ROBO2: variants seen among roughly 807,000 people sequenced by gnomAD.
ROBO2 encodes roundabout guidance receptor 2.
ROBO2 carries 53 observed loss-of-function variants against 160.8 expected under a neutral mutation model. The ratio of observed to expected loss-of-function variants is 0.33; its 90% CI spans 0.26 to 0.41. The LOEUF is 0.41. Among genes scored for constraint, ROBO2 ranks in the 10% least tolerant of loss-of-function variants. The probability of loss-of-function intolerance (pLI) is 1.00; values close to 1 mark genes in which losing one functional copy is unlikely to be tolerated. For missense variants in ROBO2, 1,577 were observed against 1,722.4 expected (o/e 0.92, Z 1.49); for synonymous variants, 664 against 611.7 (o/e 1.09, Z -1.26).
chr3:76,157,507 G>A (rs1209694268), intron 2 of ROBO2, among the ~76,000 whole-genome samples: 1 of 152,120 alleles, frequency 6.6e-6, no homozygotes, highest in Non-Finnish European at 1.5e-5. Context: ...CAAATAACAT[G>A]TACTCTGTGC....
chr3:77,490,382 G>T (rs1331353468), intron 4 of ROBO2, among the ~76,000 whole-genome samples: 2 of 152,016 alleles, frequency 1.3e-5, no homozygotes, highest in African/African-American at 4.8e-5. Context: ...GAGCCACCAC[G>T]CCCGGCCTGT....
intron 2 of ROBO2, among the ~76,000 whole-genome samples, chr3:77,401,679 G>A (rs1405424205): frequency 6.6e-6 from 1 of 152,078 alleles, no homozygotes; most frequent in Non-Finnish European, 1.5e-5. Context: ...GAGCAGGAGA[G>A]TACCCTCCCC....
chr3:76,310,111 C>T (rs2107777458), intron 2 of ROBO2, among the ~76,000 whole-genome samples: 1 of 152,152 alleles, frequency 6.6e-6, no homozygotes, highest in South Asian at 2.1e-4. Flanking sequence ...TGTGAGCCAC[C>T]ACGTCAGACA....
intron 2 of ROBO2, among the ~76,000 whole-genome samples, chr3:76,447,158 T>C (rs2077225128): frequency 6.6e-6 from 1 of 152,182 alleles, no homozygotes; most frequent in South Asian, 2.1e-4. Flanking sequence ...AAAGGGCTCA[T>C]ATCCAGAATC....
rs114384217 is a variant in ROBO2 at position 76,552,046 on chromosome 3, G to A, written c.110-545968G>A. Among the ~76,000 whole-genome samples, 467 of 152,238 alleles carry A rather than the reference G, an allele frequency of 3.1e-3. 3 individuals are homozygous for A. The highest frequency in any genetic ancestry group is 0.011 in the African/African-American group (459 of 41,546). ...GGTGCTGCCAGCCACAGAGGTTTCC[G>A]GCTGGCACGGCAACACCCCACGGAT... On this transcript the variant is annotated intron_variant, in intron 2 of 26. Transcript: ENST00000487694.
chr3:76,109,379 G>T (rs758541478), intron 2 of ROBO2, among the ~76,000 whole-genome samples: 11 of 151,976 alleles, frequency 7.2e-5, no homozygotes, highest in Non-Finnish European at 1.6e-4. Context: ...TGAAAATTTA[G>T]AAGGGTAGAG....
At position 77,361,228 on chromosome 3, in the gene ROBO2, A is replaced by G. The variant is rs556008546; in HGVS notation, c.389-116186A>G. Among the ~76,000 whole-genome samples the G allele has an allele frequency of 1.3e-4, 20 of 152,290 alleles. 1 individual carries two copies. Among genetic ancestry groups the G allele is most frequent in the African/African-American group, 4.6e-4 (19 of 41,572 alleles). ...AATAGTTTTGTTCCAGTTAAATTTGAATTTCAGATAAGAGCAAATCGTTTT... is the reference window on the plus strand; with the variant it reads ...AATAGTTTTGTTCCAGTTAAATTTGGATTTCAGATAAGAGCAAATCGTTTT... On this transcript the variant is annotated intron_variant, in intron 2 of 25. Coordinates refer to ENST00000461745, the Ensembl canonical transcript of ROBO2.
rs151270737 is a variant in ROBO2 at position 77,299,564 on chromosome 3, C to T, written c.389-177850C>T. Among the ~76,000 whole-genome samples the T allele has an allele frequency of 2.0e-3, 301 of 152,250 alleles. 2 individuals carry two copies. Among genetic ancestry groups the T allele is most frequent in the African/African-American group, 7.0e-3 (290 of 41,560 alleles). The stretch of plus-strand genomic sequence containing the variant: ...AAAGGGGAAAAAGCCCCTTATAAAA[C>T]CATCAGATTCCCTGAGAACTCACTC... On this transcript the variant is annotated intron_variant, in intron 2 of 25. Coordinates refer to ENST00000461745, the Ensembl canonical transcript of ROBO2.
chr3:77,564,695 C>T (rs2093428661), intron 11 of ROBO2: 1 of 553,968 alleles, frequency 1.8e-6, no homozygotes, highest in African/African-American at 1.9e-5. Flanking sequence ...GGCTGCTGTG[C>T]ATTAGCAAAG....
intron 2 of ROBO2, among the ~76,000 whole-genome samples, chr3:76,172,438 A>T (rs1272637212): frequency 8.4e-5 from 2 of 23,694 alleles, no homozygotes; most frequent in Admixed American, 4.5e-4. Context: ...ATAATAATTA[A>T]AAAAAAAAAA....
At chr3:77,581,946 A>G (rs893138903) in intron 16 of ROBO2, among the ~76,000 whole-genome samples, 1 of 152,030 alleles carries the variant, frequency 6.6e-6, no homozygotes, top group African/African-American at 2.4e-5. Context: ...TTTTAAGATT[A>G]TTATATCTTC....
At chr3:76,351,196 AC>A (rs527243772) in intron 2 of ROBO2, among the ~76,000 whole-genome samples, 52 of 152,106 alleles carry the variant, frequency 3.4e-4, no homozygotes, top group African/African-American at 1.1e-3. Flanking sequence ...TGCCAACATC[AC>A]ATGTGGCTGA....
At chr3:77,347,823 T>A (rs1375062264) in intron 2 of ROBO2, among the ~76,000 whole-genome samples, 2 of 152,132 alleles carry the variant, frequency 1.3e-5, no homozygotes, top group Admixed American at 1.3e-4. Context: ...ATGTATGTGT[T>A]AATTTCACCT....
chr3:76,003,588 A>T (rs1259376668), intron 2 of ROBO2, among the ~76,000 whole-genome samples: 1 of 152,254 alleles, frequency 6.6e-6, no homozygotes, highest in Admixed American at 6.5e-5. Flanking sequence ...GAAAAAATAC[A>T]GTTGGCCTTT....
At chr3:77,093,887 T>C (rs7630204) in intron 1 of ROBO2, among the ~76,000 whole-genome samples, 152,247 of 152,248 alleles carry the variant, frequency 1, 76,123 homozygotes, top group Non-Finnish European at 1. Flanking sequence ...AAGAAAACAG[T>C]GTTAACTGTT....
At chr3:76,567,731 ATATATAC>A (rs2084663351) in intron 2 of ROBO2, among the ~76,000 whole-genome samples, 1 of 115,984 alleles carries the variant, frequency 8.6e-6, no homozygotes, top group Non-Finnish European at 1.8e-5. Flanking sequence ...ATGTCAGTAT[ATATATAC>A]TGTTTTATAT....
intron 2 of ROBO2, among the ~76,000 whole-genome samples, chr3:76,946,538 A>G (rs770342740): frequency 5.9e-5 from 9 of 152,022 alleles, no homozygotes; most frequent in Non-Finnish European, 1.2e-4. Flanking sequence ...CCCAGGTTCA[A>G]GTGATTCTCT....
chr3:75,960,177 A>T, intron 2 of ROBO2, among the ~76,000 whole-genome samples: 1 of 151,736 alleles, frequency 6.6e-6, no homozygotes, highest in East Asian at 2.0e-4. Context: ...GGATGTAGAA[A>T]CTTCGCCCTT....
intron 12 of ROBO2, among the ~76,000 whole-genome samples, chr3:77,567,124 G>A (rs1473553454): frequency 6.6e-6 from 1 of 151,454 alleles, no homozygotes; most frequent in East Asian, 1.9e-4. Context: ...CATTACCTAA[G>A]TATTAGTCTC....
Sources: allele counts gnomAD v4.1 joint callset (sites outside exome capture counted in the v4.1 genomes callset), GRCh38; gene constraint gnomAD v4.1.1; transcripts MANE v1.5; gene names NCBI Gene and HGNC (gene_info 2026-07-23, HGNC 2026-07-21).